The following COL4A6 variants were observed in gnomAD, a reference collection of about 807,000 sequenced individuals.
The protein encoded by COL4A6 is collagen type IV alpha 6 chain.
COL4A6 carries 59 observed loss-of-function variants against 126.7 expected under a neutral mutation model. That is an observed-to-expected ratio of 0.47 (90% CI 0.38 to 0.58). The LOEUF is 0.58. Among genes scored for constraint, COL4A6 ranks in the 20% least tolerant of loss-of-function variants. COL4A6 has a pLI of 0.00. For missense variants in COL4A6, 1,285 were observed against 1,337.3 expected, an observed-to-expected ratio of 0.96 and a Z score of 0.61; for synonymous variants, 547 against 496.6, an observed-to-expected ratio of 1.10 and a Z score of -1.35.
At chrX:108,234,417 G>C (rs2036386783) in intron 3 of COL4A6, among the ~76,000 whole-genome samples, 2 of 111,914 alleles carry the variant, frequency 1.8e-5, no homozygotes, top group African/African-American at 6.5e-5. Flanking sequence ...CTGCCCAGTG[G>C]CACCCTTAGC....
chrX:108,328,182 G>T, intron 2 of COL4A6, among the ~76,000 whole-genome samples: 1 of 111,438 alleles, frequency 9.0e-6, no homozygotes, highest in East Asian at 2.8e-4. Context: ...CATAAGAAAA[G>T]ACAGAATTAC....
At chrX:108,223,009 A>G (rs911284840) in intron 3 of COL4A6, among the ~76,000 whole-genome samples, 1 of 112,146 alleles carries the variant, frequency 8.9e-6, no homozygotes, top group African/African-American at 3.2e-5. Flanking sequence ...AGACTGGATA[A>G]AGAAAATGTG....
At chrX:108,187,037 T>C (rs1216869441) in intron 23 of COL4A6, 59 bp downstream of exon 23, 4 of 991,691 alleles carry the variant, frequency 4.0e-6, no homozygotes, top group East Asian at 6.6e-5. Flanking sequence ...ACCTGAGTCA[T>C]AACCACTCTA....
intron 3 of COL4A6, among the ~76,000 whole-genome samples, chrX:108,272,023 G>A (rs950465556): frequency 9.0e-6 from 1 of 111,100 alleles, no homozygotes; most frequent in African/African-American, 3.3e-5. Flanking sequence ...TATTACCTTT[G>A]TACCAAGCCC....
At position 108,173,461 on chromosome X, in the gene COL4A6, GGTGTGT is replaced by G. The variant is rs56782024; in HGVS notation, c.3139-935_3139-930del. 5.8e-3 allele frequency among the ~76,000 whole-genome samples: 584 copies of G among 101,061 alleles called. 2 individuals carry two copies. Among genetic ancestry groups the G allele is most frequent in the Non-Finnish European group, 9.6e-3 (474 of 49,575 alleles). 87.8% of individuals were successfully genotyped at this position (101,061 alleles called of 115,157 possible). On this transcript the variant is annotated intron_variant, in intron 31 of 44. Coordinates refer to ENST00000334504, the MANE Select transcript of COL4A6 (RefSeq NM_033641.4). ...GAACTATTTATTTTCAATTGCTTCA[GGTGTGT>G]GTGTGTGTGTGTGTGTGTGTGTGTG...
chrX:108,273,155 C>G (rs2037499763), intron 3 of COL4A6, among the ~76,000 whole-genome samples: 1 of 110,512 alleles, frequency 9.0e-6, no homozygotes, highest in African/African-American at 3.3e-5. Flanking sequence ...TCAACCCCAT[C>G]TAAAAGTGGG....
intron 2 of COL4A6, among the ~76,000 whole-genome samples, chrX:108,351,849 C>T (rs949125709): frequency 1.8e-5 from 2 of 111,921 alleles, no homozygotes; most frequent in African/African-American, 6.5e-5. Context: ...TCAACATCCA[C>T]GCATACACAC....
At chrX:108,339,550 A>G (rs947413750) in intron 2 of COL4A6, among the ~76,000 whole-genome samples, 1 of 111,352 alleles carries the variant, frequency 9.0e-6, no homozygotes, top group Non-Finnish European at 1.9e-5. Flanking sequence ...CTATTCTTCC[A>G]CATGTTTACA....
chrX:108,327,425 A>G (rs1603095868), intron 2 of COL4A6, among the ~76,000 whole-genome samples: 1 of 91,538 alleles, frequency 1.1e-5, no homozygotes, highest in Non-Finnish European at 2.2e-5. Flanking sequence ...GCAGTCCCCA[A>G]CCGGTCCTGG....
At chrX:108,270,516 G>A (rs1235014532) in intron 3 of COL4A6, among the ~76,000 whole-genome samples, 1 of 112,251 alleles carries the variant, frequency 8.9e-6, no homozygotes, top group Non-Finnish European at 1.9e-5. Flanking sequence ...CCTAGATCAG[G>A]TAACCTGGAC....
chrX:108,391,959 A>G (rs1213880436), intron 2 of COL4A6, among the ~76,000 whole-genome samples: 1 of 112,180 alleles, frequency 8.9e-6, no homozygotes, highest in Non-Finnish European at 1.9e-5. Flanking sequence ...CTGTTCGGCC[A>G]TCTTGCCAGC....
rs762385746 is a variant in COL4A6 at position 108,169,497 on chromosome X, C to T, written c.3689G>A (p.Arg1230Gln). Reference sequence around the variant, plus strand: ...TACAAGGCCTGACTTGGACTCACCTCGATCACCTTTTTGCCCTCTCAGGCC... The same window carrying T: ...TACAAGGCCTGACTTGGACTCACCTTGATCACCTTTTTGCCCTCTCAGGCC... ...KPGLRGQKGD[R>Q]GFPGLQGPAG... is the part of the protein sequence containing the mutation. The change falls in exon 37 of 45, where the codon CGA becomes CAA. Residue 1230 changes from arginine to glutamine, a missense_variant and splice_region_variant. By Grantham distance (43) the Arg-to-Gln change is conservative. Transcript: ENST00000334504. 10 of 1,211,442 alleles carry T rather than the reference C, an allele frequency of 8.3e-6. No individual in the cohort carries two copies. Among genetic ancestry groups the T allele is most frequent in the South Asian group, 5.3e-5 (3 of 56,868 alleles).
chrX:108,181,430 G>C (rs946460453), intron 23 of COL4A6, among the ~76,000 whole-genome samples: 4 of 112,093 alleles, frequency 3.6e-5, no homozygotes, highest in African/African-American at 1.3e-4. Flanking sequence ...AAGTTCTCAT[G>C]TTTACCCTTT....
intron 2 of COL4A6, among the ~76,000 whole-genome samples, chrX:108,328,288 C>T (rs752929170): frequency 4.4e-4 from 48 of 109,575 alleles, no homozygotes; most frequent in Non-Finnish European, 1.7e-4. Context: ...GCAGACATTG[C>T]AGACATTTTG....
intron 2 of COL4A6, among the ~76,000 whole-genome samples, chrX:108,324,460 A>G (rs2039104304): frequency 8.9e-6 from 1 of 112,126 alleles, no homozygotes; most frequent in Non-Finnish European, 1.9e-5. Flanking sequence ...TTTACTGAGT[A>G]GCTATGAAAG....
chrX:108,325,207 G>A (rs1390952783), intron 2 of COL4A6, among the ~76,000 whole-genome samples: 1 of 111,801 alleles, frequency 8.9e-6, no homozygotes, highest in Non-Finnish European at 1.9e-5. Flanking sequence ...AAACTTTTTG[G>A]GCTTAATCAA....
intron 3 of COL4A6, among the ~76,000 whole-genome samples, chrX:108,284,425 G>T (rs1397651044): frequency 1.8e-5 from 2 of 111,516 alleles, no homozygotes; most frequent in Admixed American, 9.5e-5. Context: ...AAACCTGCAT[G>T]TTCTGCACAT....
At chrX:108,438,440 G>C (rs1005149334), upstream of COL4A6, 7 of 1,004,070 alleles carry the variant, frequency 7.0e-6, no homozygotes, top group African/African-American at 1.4e-4. Flanking sequence ...TGCAGCAGGA[G>C]AGGAAAGAAT....
chrX:108,214,292 C>T, intron 5 of COL4A6, 64 bp from the exon 6 acceptor site: 10 of 819,091 alleles, frequency 1.2e-5, no homozygotes, highest in Non-Finnish European at 1.8e-5. Flanking sequence ...TAAATGGCTC[C>T]ACAGCGAGAA....
Sources: gnomAD v4.1 joint callset for allele counts (sites outside exome capture counted in the v4.1 genomes callset) on GRCh38, gnomAD v4.1.1 for gene constraint, MANE v1.5 for transcripts, NCBI Gene and HGNC (gene_info 2026-07-23, HGNC 2026-07-21) for gene names.